SRBD1: variants seen among roughly 807,000 people sequenced by gnomAD.
The protein encoded by SRBD1 is S1 RNA binding domain 1, also known as S1 RNA-binding domain-containing protein 1.
Under a neutral mutation model 115.3 loss-of-function variants are expected in SRBD1, and 88 were observed. The ratio of observed to expected loss-of-function variants is 0.76; its 90% CI spans 0.64 to 0.91. The LOEUF is 0.91. SRBD1 is among the 40% of genes least tolerant of loss of function. The probability of loss-of-function intolerance (pLI) is 0.00; values close to 1 mark genes in which losing one functional copy is unlikely to be tolerated. For missense variants in SRBD1, 1,385 were observed against 1,177.4 expected (o/e 1.18, Z -2.58); for synonymous variants, 509 against 407.7 (o/e 1.25, Z -2.99).
At chr2:45,598,433 T>C (rs1394534115) in intron 4 of SRBD1, among the ~76,000 whole-genome samples, 2 of 151,744 alleles carry the variant, frequency 1.3e-5, no homozygotes, top group Non-Finnish European at 1.5e-5. Flanking sequence ...GCTAACACGG[T>C]GAAACCCTGT....
intron 1 of SRBD1, among the ~76,000 whole-genome samples, chr2:45,608,901 A>G (rs1232459011): frequency 2.0e-5 from 3 of 150,950 alleles, no homozygotes; most frequent in Non-Finnish European, 4.4e-5. Flanking sequence ...TCTGCCTCCC[A>G]GGTTCAAGCA....
chr2:45,506,493 C>T (rs974821544), intron 14 of SRBD1, among the ~76,000 whole-genome samples: 6 of 152,112 alleles, frequency 3.9e-5, no homozygotes, highest in Non-Finnish European at 8.8e-5. Flanking sequence ...GGAGTTTCCT[C>T]CAGCTTTTTT....
intron 16 of SRBD1, among the ~76,000 whole-genome samples, chr2:45,423,693 T>C (rs1489943869): frequency 2.0e-5 from 3 of 152,136 alleles, no homozygotes; most frequent in Non-Finnish European, 4.4e-5. Context: ...ACCTATTCTA[T>C]GAGGCCAGCA....
chr2:45,415,728 GGAGAGGAGAC>G (rs1558565035), intron 18 of SRBD1, among the ~76,000 whole-genome samples: 67 of 10,734 alleles, frequency 6.2e-3, no homozygotes, highest in South Asian at 0.013. Flanking sequence ...GGAGAGGAGA[GGAGAGGAGAC>G]GAGAGGAGAC....
chr2:45,452,058 A>G (rs1254624048), intron 16 of SRBD1, among the ~76,000 whole-genome samples: 1 of 152,018 alleles, frequency 6.6e-6, no homozygotes, highest in East Asian at 1.9e-4. Flanking sequence ...AAATATAAAA[A>G]CAAAAAGGTA....
At position 45,553,730 on chromosome 2, in the gene SRBD1, C is replaced by G; in HGVS notation, c.1410G>C (p.Arg470Ser). 1 of 1,565,376 alleles carries G rather than the reference C, an allele frequency of 6.4e-7. No individual in the cohort carries two copies. The highest frequency in any genetic ancestry group is 8.6e-7 in the Non-Finnish European group (1 of 1,159,206). The change falls in exon 11 of 21, where the codon AGG (arginine) becomes AGC (serine). Residue 470 changes from arginine to serine, a missense_variant and splice_region_variant. Arg to Ser is a moderately radical substitution (Grantham distance 110). Coordinates refer to ENST00000263736, the MANE Select transcript of SRBD1 (RefSeq NM_018079.5). ...GCCTTGCAAAGCTACGTGGTCTCCA[C>G]CTGCAAAACAGAAAAGCCCACACTA... ...DEFCRWCIQNRWRPRSFARPE... is the reference protein window; with the variant it reads ...DEFCRWCIQNSWRPRSFARPE...
At chr2:45,587,022 T>C (rs1374649396) in intron 4 of SRBD1, among the ~76,000 whole-genome samples, 8 of 124,346 alleles carry the variant, frequency 6.4e-5, no homozygotes, top group Admixed American at 2.4e-4. Flanking sequence ...ATTATAAATA[T>C]TAAAATATTT....
intron 16 of SRBD1, among the ~76,000 whole-genome samples, chr2:45,465,413 T>G (rs967021132): frequency 6.6e-6 from 1 of 151,548 alleles, no homozygotes; most frequent in African/African-American, 2.4e-5. Flanking sequence ...TATATGTGTG[T>G]ATATATATAT....
chr2:45,402,919 G>A (rs534994329), intron 19 of SRBD1, among the ~76,000 whole-genome samples: 2 of 152,296 alleles, frequency 1.3e-5, no homozygotes, highest in South Asian at 4.1e-4. Flanking sequence ...CAAAAACAGA[G>A]GGGGTAGTAG....
chr2:45,605,903 CA>C (rs574003489), intron 1 of SRBD1, among the ~76,000 whole-genome samples: 167 of 63,876 alleles, frequency 2.6e-3, no homozygotes, highest in Admixed American at 3.3e-3. Context: ...GACTCGGTCT[CA>C]AAAAAAAAAA....
intron 16 of SRBD1, among the ~76,000 whole-genome samples, chr2:45,426,604 C>T (rs1168600791): frequency 6.6e-6 from 1 of 152,120 alleles, no homozygotes; most frequent in Non-Finnish European, 1.5e-5. Flanking sequence ...AGGAGAGCTC[C>T]AGCTGGCATC....
chr2:45,474,723 A>C (rs1486815324), intron 16 of SRBD1, among the ~76,000 whole-genome samples: 1 of 152,214 alleles, frequency 6.6e-6, no homozygotes, highest in Non-Finnish European at 1.5e-5. Context: ...TGACTCCACC[A>C]GGTTTTATTT....
At chr2:45,591,602 G>C (rs1219236254) in intron 4 of SRBD1, among the ~76,000 whole-genome samples, 3 of 152,114 alleles carry the variant, frequency 2.0e-5, no homozygotes, top group Admixed American at 2.0e-4. Context: ...AGGTGGATGA[G>C]GCTACATGGT....
At chr2:45,418,585 A>G in intron 17 of SRBD1, 44 bp from the exon 18 acceptor site, 1 of 1,569,764 alleles carries the variant, frequency 6.4e-7, no homozygotes, top group Non-Finnish European at 8.6e-7. Flanking sequence ...ATCTCATCTG[A>G]AAAGACAATG....
At chr2:45,413,325 A>G (rs1667662271) in intron 18 of SRBD1, 32 bp from the exon 19 acceptor site, 6 of 1,594,202 alleles carry the variant, frequency 3.8e-6, no homozygotes, top group Non-Finnish European at 5.1e-6. Flanking sequence ...CACATTTATG[A>G]AAAGGGGAAG....
At chr2:45,479,469 G>A (rs1249445683) in intron 15 of SRBD1, among the ~76,000 whole-genome samples, 1 of 152,124 alleles carries the variant, frequency 6.6e-6, no homozygotes, top group Non-Finnish European at 1.5e-5. Context: ...GCTTTTTGCT[G>A]ATATGGAGAA....
intron 15 of SRBD1, among the ~76,000 whole-genome samples, chr2:45,482,359 G>C (rs73927510): frequency 6.6e-6 from 1 of 151,894 alleles, no homozygotes; most frequent in African/African-American, 2.4e-5. Context: ...AAAAATAACA[G>C]AACTAATAAG....
chr2:45,537,896 G>T (rs182624725), intron 14 of SRBD1, among the ~76,000 whole-genome samples: 44 of 152,298 alleles, frequency 2.9e-4, no homozygotes, highest in African/African-American at 8.7e-4. Flanking sequence ...GGATGGGTAA[G>T]AAAGAGAATA....
chr2:45,572,862 A>C (rs1277891593), intron 9 of SRBD1, among the ~76,000 whole-genome samples: 1 of 152,172 alleles, frequency 6.6e-6, no homozygotes, highest in Non-Finnish European at 1.5e-5. Context: ...TAAATCAGAT[A>C]TCTCATATTT....
Sources: allele counts gnomAD v4.1 joint callset (sites outside exome capture counted in the v4.1 genomes callset), GRCh38; gene constraint gnomAD v4.1.1; transcripts MANE v1.5; gene names NCBI Gene and HGNC (gene_info 2026-07-23, HGNC 2026-07-21).